The following CNTN6 variants were observed in gnomAD, a reference collection of about 807,000 sequenced individuals.
The protein encoded by CNTN6 is contactin 6.
In CNTN6, 137 loss-of-function variants were observed where a neutral mutation model predicts 122.8. The observed-to-expected ratio is 1.12, with a 90% confidence interval of 0.97 to 1.29. CNTN6 has a LOEUF of 1.29. Among genes scored for constraint, CNTN6 ranks in the 50% most tolerant of loss-of-function variants. CNTN6 has a pLI of 0.00. For missense variants in CNTN6, 1,634 were observed against 1,223.4 expected (o/e 1.34, Z -5.01); for synonymous variants, 570 against 426.0 (o/e 1.34, Z -4.16).
intron 5 of CNTN6, among the ~76,000 whole-genome samples, chr3:1,282,974 C>T (rs545856497): frequency 6.6e-6 from 1 of 152,052 alleles, no homozygotes. Context: ...AGAGACAACA[C>T]AAAACTCTTT....
intron 10 of CNTN6, among the ~76,000 whole-genome samples, chr3:1,328,197 G>A (rs1333484353): frequency 1.3e-5 from 2 of 151,822 alleles, no homozygotes; most frequent in Non-Finnish European, 2.9e-5. Flanking sequence ...ATTAACTAGA[G>A]TTCTGTCACA....
chr3:1,189,340 G>A (rs917480058), intron 2 of CNTN6, among the ~76,000 whole-genome samples: 1 of 152,186 alleles, frequency 6.6e-6, no homozygotes, highest in African/African-American at 2.4e-5. Context: ...GAAAGGAGGA[G>A]GGGAGAAGTC....
At chr3:1,331,425 G>C (rs1050185656) in intron 11 of CNTN6, among the ~76,000 whole-genome samples, 3 of 152,068 alleles carry the variant, frequency 2.0e-5, no homozygotes, top group African/African-American at 7.2e-5. Flanking sequence ...TCAAGACATA[G>C]GAACAGGTGC....
In CNTN6 at chr3:1,383,192, C is replaced by T. The variant is rs760466639; in HGVS notation, c.2401+16C>T. The T allele has an allele frequency of 6.8e-6, 11 of 1,606,650 alleles. No homozygotes were observed. In the African/African-American group the frequency reaches 1.5e-4, roughly 21 times the overall value. On this transcript the variant is annotated intron_variant, in intron 18 of 22. Transcript: ENST00000446702. ...GGGGAAGATGGTAAGTTGTCCTCAA[C>T]TCTGGTTTTCTTTGAGACTCTATGC...
At chr3:1,182,800 A>G (rs1000265216) in intron 2 of CNTN6, among the ~76,000 whole-genome samples, 8 of 152,084 alleles carry the variant, frequency 5.3e-5, no homozygotes, top group African/African-American at 1.7e-4. Flanking sequence ...TCATGCATCT[A>G]TGAATATTTT....
intron 4 of CNTN6, among the ~76,000 whole-genome samples, chr3:1,244,950 G>T (rs1471514085): frequency 1.3e-5 from 2 of 150,132 alleles, no homozygotes; most frequent in African/African-American, 4.9e-5. Context: ...GGATGGGGCA[G>T]GAACAAATCA....
At chr3:1,254,678 C>G (rs77715826) in intron 4 of CNTN6, among the ~76,000 whole-genome samples, 3,333 of 152,136 alleles carry the variant, frequency 0.022, 92 homozygotes, top group African/African-American at 0.071. Context: ...AATAAATAGT[C>G]TGAGGAGACT....
intron 2 of CNTN6, among the ~76,000 whole-genome samples, chr3:1,160,964 T>C (rs1304323118): frequency 6.6e-6 from 1 of 152,034 alleles, no homozygotes; most frequent in African/African-American, 2.4e-5. Flanking sequence ...TTCCAAATTA[T>C]TTTAGAATAT....
intron 1 of CNTN6, among the ~76,000 whole-genome samples, chr3:1,121,258 A>C (rs939661323): frequency 7.0e-6 from 1 of 143,858 alleles, no homozygotes; most frequent in Non-Finnish European, 1.6e-5. Context: ...AATTGACAGG[A>C]TCATTATTGA....
At chr3:1,284,183 C>T (rs1020482755) in intron 5 of CNTN6, among the ~76,000 whole-genome samples, 6 of 152,170 alleles carry the variant, frequency 3.9e-5, no homozygotes, top group East Asian at 3.9e-4. Context: ...GAAGATAGCA[C>T]GACTGTCTGA....
chr3:1,173,536 G>C (rs1559453951), intron 2 of CNTN6, among the ~76,000 whole-genome samples: 1 of 152,302 alleles, frequency 6.6e-6, no homozygotes, highest in South Asian at 2.1e-4. Context: ...ACGAAGTTGG[G>C]ATGTGAACCC....
chr3:1,238,040 G>T (rs1229989153), intron 4 of CNTN6, among the ~76,000 whole-genome samples: 1 of 151,634 alleles, frequency 6.6e-6, no homozygotes, highest in African/African-American at 2.4e-5. Flanking sequence ...AAACCACAAG[G>T]TATTCAGGCA....
At chr3:1,242,937 A>C (rs1360482915) in intron 4 of CNTN6, among the ~76,000 whole-genome samples, 3 of 152,092 alleles carry the variant, frequency 2.0e-5, no homozygotes, top group Non-Finnish European at 4.4e-5. Context: ...CCTTGAAAAG[A>C]AGGTAATGTG....
rs1194925050 is a variant in CNTN6, at chr3:1,220,827, T to C, written c.182+14T>C. ...GCCTCATTATAGGTAAAATCCTACCTGTGGGCACCACACTATTTTGTTCTT... is the reference window on the plus strand; with the variant it reads ...GCCTCATTATAGGTAAAATCCTACCCGTGGGCACCACACTATTTTGTTCTT... On this transcript the variant is annotated intron_variant, in intron 3 of 22. Transcript: ENST00000446702. 10 of 1,586,000 alleles carry C rather than the reference T, an allele frequency of 6.3e-6. No individual in the cohort carries two copies. The highest frequency in any genetic ancestry group is 8.6e-6 in the Non-Finnish European group (10 of 1,169,524).
intron 4 of CNTN6, among the ~76,000 whole-genome samples, chr3:1,245,223 T>TATATATAACATATATATATATATAAAAC (rs2094548508): frequency 5.3e-5 from 1 of 18,804 alleles, no homozygotes; most frequent in Non-Finnish European, 9.0e-5. Context: ...TATATATATA[T>TATATATAACATATATATATATATAAAAC]ATATATATAT....
At chr3:1,283,412 A>G (rs1693807489) in intron 5 of CNTN6, among the ~76,000 whole-genome samples, 1 of 152,146 alleles carries the variant, frequency 6.6e-6, no homozygotes, top group Admixed American at 6.6e-5. Context: ...CACTCGTCAC[A>G]AAAAATGTCG....
intron 20 of CNTN6, among the ~76,000 whole-genome samples, chr3:1,390,210 C>T (rs1244058495): frequency 6.6e-6 from 1 of 152,080 alleles, no homozygotes; most frequent in African/African-American, 2.4e-5. Context: ...AACAAACTAT[C>T]TCTCAGGCCA....
At chr3:1,231,338 C>T (rs1193606698) in intron 4 of CNTN6, among the ~76,000 whole-genome samples, 3 of 152,234 alleles carry the variant, frequency 2.0e-5, no homozygotes, top group Non-Finnish European at 4.4e-5. Context: ...TGCTTCCTGT[C>T]CGTTGGCAGT....
chr3:1,327,533 C>T lies in CNTN6; in HGVS notation c.1160C>T (p.Ala387Val), dbSNP rs550038823. 24 of 1,610,804 alleles carry T rather than the reference C, an allele frequency of 1.5e-5. No individual in the cohort carries two copies. Among genetic ancestry groups the T allele is most frequent in the Middle Eastern group, 1.7e-4 (1 of 6,024 alleles). ...NVSDSGVYQC[A>V]AENKYQIIYA... is the part of the protein sequence containing the mutation. ...TCAGATTCTGGTGTGTACCAATGTG[C>T]TGCAGAAAACAAATATCAGATAATT... Residue 387 changes from alanine (A) to valine (V), a missense_variant, in exon 10 of 23, where the codon GCT becomes GTT. Physicochemically the swap from Ala to Val is moderately conservative, Grantham distance 64. Transcript: ENST00000446702.
Sources: allele counts gnomAD v4.1 joint callset (sites outside exome capture counted in the v4.1 genomes callset), GRCh38; gene constraint gnomAD v4.1.1; transcripts MANE v1.5; gene names NCBI Gene and HGNC (gene_info 2026-07-23, HGNC 2026-07-21).